Variants in PRCP observed in about 807,000 individuals in gnomAD.
PRCP encodes the protein prolylcarboxypeptidase.
A neutral mutation model predicts 54.2 loss-of-function variants in PRCP; 46 were observed. That is an observed-to-expected ratio of 0.85 (90% CI 0.67 to 1.09). PRCP has a LOEUF of 1.09. PRCP is among the 50% of genes least tolerant of loss of function. PRCP has a pLI of 0.00. For synonymous variants in PRCP, 240 were observed against 212.2 expected (o/e 1.13, Z -1.14); for missense variants, 613 against 596.8 (o/e 1.03, Z -0.28).
Position 82,900,230 on chromosome 11 carries a change from C to G in PRCP, c.168+5G>C. 1 of 1,614,074 alleles carries G rather than the reference C, an allele frequency of 6.2e-7. No homozygotes were observed. The highest frequency in any genetic ancestry group is 8.5e-7 in the Non-Finnish European group (1 of 1,179,954). ...TGGGACGGCGAAGCCCCCGCTCCCC[C>G]TTACCTTCTGTTGGAAGTAGAGAAC... On this transcript the variant is annotated splice_donor_5th_base_variant and intron_variant, in intron 1 of 8. Transcript: ENST00000313010.
chr11:82,897,652 G>C (rs1342826707), intron 1 of PRCP, among the ~76,000 whole-genome samples: 1 of 152,236 alleles, frequency 6.6e-6, no homozygotes, highest in Non-Finnish European at 1.5e-5. Flanking sequence ...GTTGCTAAAA[G>C]TGGGAGCTGG....
At chr11:82,853,356 G>A (rs371631938) in intron 2 of PRCP, 78 bp from the exon 3 acceptor site, 136 of 1,175,206 alleles carry the variant, frequency 1.2e-4, no homozygotes, top group Non-Finnish European at 1.5e-4. Context: ...AAACCATATG[G>A]AATAGATGTT....
At chr11:82,846,318 A>T (rs1334528200) in intron 6 of PRCP, 1 of 152,164 alleles carries the variant, frequency 6.6e-6, no homozygotes, top group African/African-American at 2.4e-5. Context: ...ATGAACAGTG[A>T]AAGAAAGTGA....
At position 82,850,388 on chromosome 11, in the gene PRCP, C is replaced by G; in HGVS notation, c.529G>C (p.Gly177Arg). 1.2e-6 allele frequency: 2 copies of G among 1,600,784 alleles called. No individual in the cohort carries two copies. The highest frequency in any genetic ancestry group is 8.5e-7 in the Non-Finnish European group (1 of 1,172,838). Residue 177 changes from glycine (G) to arginine (R), a missense_variant, in exon 4 of 9, where the codon GGA becomes CGA. Transcript: ENST00000313010. ...GCAAGCATGCCACCATAGGAGCCTC[C>G]TATGGCAATGACAGGTTGATTTTCA... is the stretch of plus-strand genomic sequence containing the variant. ...GAENQPVIAI[G>R]GSYGGMLAAW...
rs189902577 is a variant in PRCP, at chr11:82,849,050, T to C, written c.920A>G (p.Lys307Arg). ...GATGACAGGACATTTTCCTATTACC[T>C]TGATAGGCCAAGCAGGCAAAGGCTG... ...FLQPLPAWPI[K>R]VVCQYLKNPN... Residue 307 changes from lysine (K) to arginine (R), a missense_variant and splice_region_variant, in exon 6 of 9, where the codon AAG (lysine) becomes AGG (arginine). By Grantham distance (26) the Lys-to-Arg change is conservative. Transcript: ENST00000313010. The C allele has an allele frequency of 1.2e-6, 2 of 1,612,630 alleles. No individual in the cohort carries two copies. Among genetic ancestry groups the C allele is most frequent in the Non-Finnish European group, 1.7e-6 (2 of 1,179,318 alleles).
chr11:82,830,859 CA>C (rs1235076238), intron 8 of PRCP: 8 of 151,536 alleles, frequency 5.3e-5, no homozygotes, highest in Admixed American at 1.3e-4. Flanking sequence ...CCATTATTTG[CA>C]AAACAAAGAA....
At chr11:82,844,307 C>G (rs946913695) in intron 6 of PRCP, among the ~76,000 whole-genome samples, 1 of 152,084 alleles carries the variant, frequency 6.6e-6, no homozygotes, top group Non-Finnish European at 1.5e-5. Flanking sequence ...CTAGTAATCC[C>G]AGTTACTCAG....
chr11:82,832,630 A>T lies in PRCP; in HGVS notation c.1274+5757T>A, dbSNP rs151254511. Among the ~76,000 whole-genome samples, 328 of 152,326 alleles carry T rather than the reference A, an allele frequency of 2.2e-3. 2 individuals are homozygous for T. Among genetic ancestry groups the T allele is most frequent in the African/African-American group, 7.6e-3 (315 of 41,566 alleles). On this transcript the variant is annotated intron_variant, in intron 8 of 8. Coordinates refer to ENST00000313010, the MANE Select transcript of PRCP (RefSeq NM_005040.4). ...CCCTTTGTTAGATGGACAGATTGCA[A>T]AAATTTTCTCCTATTCTGTAGGTTG...
At chr11:82,839,740 T>C in intron 6 of PRCP, 1 of 300,174 alleles carries the variant, frequency 3.3e-6, no homozygotes, top group Non-Finnish European at 6.2e-6. Context: ...ACCAGGCTCC[T>C]TCCCCTTTGC....
intron 2 of PRCP, among the ~76,000 whole-genome samples, chr11:82,856,700 A>G (rs959839389): frequency 6.6e-6 from 1 of 152,092 alleles, no homozygotes; most frequent in South Asian, 2.1e-4. Flanking sequence ...GTCAAGAAAA[A>G]AAAACACGAT....
chr11:82,841,334 CA>C, intron 6 of PRCP, among the ~76,000 whole-genome samples: 1 of 151,684 alleles, frequency 6.6e-6, no homozygotes. Context: ...TGCCTCTCCC[CA>C]AATATATTCT....
In PRCP at chr11:82,850,397, T is replaced by TG; in HGVS notation, c.519dup (p.Ile174HisfsTer16). On this transcript the variant is annotated frameshift_variant, in exon 4 of 9. Transcript: ENST00000313010. LOFTEE classifies it high-confidence loss of function. The stretch of plus-strand genomic sequence containing the variant: ...CCACCATAGGAGCCTCCTATGGCAA[T>TG]GACAGGTTGATTTTCAGCTCCTGGG... 1 of 1,605,422 alleles carries TG rather than the reference T, an allele frequency of 6.2e-7. No homozygotes were observed. Among genetic ancestry groups the TG allele is most frequent in the Non-Finnish European group, 8.5e-7 (1 of 1,175,314 alleles).
chr11:82,861,543 T>C (rs1250934126), intron 1 of PRCP, among the ~76,000 whole-genome samples: 3 of 152,210 alleles, frequency 2.0e-5, no homozygotes, highest in Non-Finnish European at 2.9e-5. Flanking sequence ...GCAGGGATTA[T>C]GTATCTCCTC....
chr11:82,854,048 G>A (rs1488498689), intron 2 of PRCP, among the ~76,000 whole-genome samples: 6 of 152,080 alleles, frequency 3.9e-5, no homozygotes, highest in South Asian at 2.1e-4. Flanking sequence ...AGCCAACATC[G>A]TACTGAATGG....
At chr11:82,899,984 G>A in intron 1 of PRCP, 1 of 491,190 alleles carries the variant, frequency 2.0e-6, no homozygotes, top group Non-Finnish European at 3.6e-6. Flanking sequence ...AGTGACTGTC[G>A]TGTCCAATTA....
At chr11:82,825,189 G>C in intron 8 of PRCP, 67 bp from the exon 9 acceptor site, 2 of 1,399,898 alleles carry the variant, frequency 1.4e-6, no homozygotes. Flanking sequence ...AGATAAGCTA[G>C]AAGAAACCTA....
chr11:82,856,815 G>C (rs566290634), intron 2 of PRCP, among the ~76,000 whole-genome samples: 1 of 152,118 alleles, frequency 6.6e-6, no homozygotes, highest in Non-Finnish European at 1.5e-5. Context: ...TTGGGAGGCC[G>C]AGGCGGGCGG....
chr11:82,864,365 C>A (rs897761465), intron 1 of PRCP, among the ~76,000 whole-genome samples: 1 of 152,228 alleles, frequency 6.6e-6, no homozygotes, highest in Non-Finnish European at 1.5e-5. Context: ...AATGGCCAGG[C>A]ACACTAGGGG....
intron 8 of PRCP, chr11:82,830,334 A>C (rs1409882895): frequency 1.3e-5 from 2 of 152,000 alleles, no homozygotes; most frequent in African/African-American, 4.8e-5. Context: ...ACAATCTAAA[A>C]TTGCCTGCGC....
Sources: allele counts gnomAD v4.1 joint callset (sites outside exome capture counted in the v4.1 genomes callset), GRCh38; gene constraint gnomAD v4.1.1; transcripts MANE v1.5; gene names NCBI Gene and HGNC (gene_info 2026-07-23, HGNC 2026-07-21).